Variants in SYNPR observed in about 807,000 individuals in gnomAD.
The protein encoded by SYNPR is synaptoporin.
Under a neutral mutation model 32.9 loss-of-function variants are expected in SYNPR, and 23 were observed. That is an observed-to-expected ratio of 0.70 (90% CI 0.50 to 0.99). The LOEUF is 0.99. SYNPR is among the 50% of genes least tolerant of loss of function. SYNPR has a pLI of 0.00. For missense variants in SYNPR, 318 were observed against 349.3 expected, an observed-to-expected ratio of 0.91 and a Z score of 0.71; for synonymous variants, 146 against 135.9, an observed-to-expected ratio of 1.07 and a Z score of -0.52.
chr3:63,594,514 A>G (rs1466309301), intron 4 of SYNPR, among the ~76,000 whole-genome samples: 1 of 152,162 alleles, frequency 6.6e-6, no homozygotes, highest in African/African-American at 2.4e-5. Flanking sequence ...TCGTGTTTTT[A>G]TAAGATTAAG....
At chr3:63,415,741 G>A (rs1263762121) in intron 2 of SYNPR, among the ~76,000 whole-genome samples, 2 of 152,348 alleles carry the variant, frequency 1.3e-5, no homozygotes, top group East Asian at 1.9e-4. Context: ...TGTTCTGCAA[G>A]CGTCCTTCTA....
intron 3 of SYNPR, among the ~76,000 whole-genome samples, chr3:63,532,689 A>G (rs904977846): frequency 6.6e-6 from 1 of 152,222 alleles, no homozygotes; most frequent in African/African-American, 2.4e-5. Context: ...AATCCAGGCC[A>G]TGGTCAGTTG....
intron 3 of SYNPR, among the ~76,000 whole-genome samples, chr3:63,492,480 A>G (rs1246010168): frequency 6.6e-6 from 1 of 152,248 alleles, no homozygotes; most frequent in Non-Finnish European, 1.5e-5. Flanking sequence ...TCAAAGCATT[A>G]ATTTATATAA....
At chr3:63,376,506 T>C (rs538669661) in intron 2 of SYNPR, among the ~76,000 whole-genome samples, 1 of 152,232 alleles carries the variant, frequency 6.6e-6, no homozygotes, top group Admixed American at 6.5e-5. Flanking sequence ...CTTTCACCAC[T>C]CTGGGCTTCT....
chr3:63,455,338 G>A (rs1232241336), intron 2 of SYNPR, among the ~76,000 whole-genome samples: 6 of 152,068 alleles, frequency 3.9e-5, no homozygotes, highest in Non-Finnish European at 2.9e-5. Context: ...AGAATGGCCT[G>A]ATTAATTTTC....
intron 2 of SYNPR, among the ~76,000 whole-genome samples, chr3:63,472,041 G>A (rs1700810838): frequency 6.6e-6 from 1 of 152,224 alleles, no homozygotes; most frequent in African/African-American, 2.4e-5. Flanking sequence ...GGAGGCTTGG[G>A]TGTTGCTGAG....
chr3:63,568,107 T>C (rs1337838255), intron 4 of SYNPR, among the ~76,000 whole-genome samples: 1 of 152,198 alleles, frequency 6.6e-6, no homozygotes, highest in Non-Finnish European at 1.5e-5. Flanking sequence ...AAAGTGCAGT[T>C]GAGGCTAGGG....
chr3:63,245,103 G>C (rs778176716), intron 1 of SYNPR, among the ~76,000 whole-genome samples: 1 of 152,090 alleles, frequency 6.6e-6, no homozygotes, highest in Non-Finnish European at 1.5e-5. Flanking sequence ...GAATTACTTG[G>C]TTTGCAGAAG....
chr3:63,485,914 AATT>A (rs1202398456), intron 3 of SYNPR, among the ~76,000 whole-genome samples: 1 of 152,186 alleles, frequency 6.6e-6, no homozygotes, highest in African/African-American at 2.4e-5. Context: ...ATCAAGATAA[AATT>A]ATTGTTTGCT....
chr3:63,248,087 T>C (rs2086305324), intron 1 of SYNPR, among the ~76,000 whole-genome samples: 2 of 152,126 alleles, frequency 1.3e-5, no homozygotes, highest in Admixed American at 1.3e-4. Context: ...GGCCTTGGGA[T>C]TGAGAGCTAT....
intron 2 of SYNPR, among the ~76,000 whole-genome samples, chr3:63,357,211 C>T (rs1397286512): frequency 2.0e-5 from 3 of 152,144 alleles, no homozygotes; most frequent in African/African-American, 7.2e-5. Context: ...AAGGTGAGCT[C>T]CACAGCTGCT....
intron 2 of SYNPR, among the ~76,000 whole-genome samples, chr3:63,352,458 A>C (rs1304818266): frequency 6.6e-6 from 1 of 152,164 alleles, no homozygotes; most frequent in Admixed American, 6.6e-5. Flanking sequence ...TTGGGAAAAC[A>C]CTTATTTATC....
intron 2 of SYNPR, among the ~76,000 whole-genome samples, chr3:63,412,117 T>A (rs768431796): frequency 6.6e-6 from 1 of 152,006 alleles, no homozygotes; most frequent in African/African-American, 2.4e-5. Flanking sequence ...AAGTTAGATA[T>A]AGAATGGGTG....
chr3:63,354,806 T>G (rs766113670), intron 2 of SYNPR, among the ~76,000 whole-genome samples: 9 of 152,222 alleles, frequency 5.9e-5, no homozygotes, highest in Non-Finnish European at 1.2e-4. Flanking sequence ...TCAGGCAGAA[T>G]AGAGCCTGCT....
intron 2 of SYNPR, among the ~76,000 whole-genome samples, chr3:63,312,970 C>T (rs2086983545): frequency 6.6e-6 from 1 of 152,018 alleles, no homozygotes; most frequent in Non-Finnish European, 1.5e-5. Context: ...ATCTCTGCAA[C>T]ATGCTTGTAG....
chr3:63,336,940 G>A (rs935856958), intron 2 of SYNPR, among the ~76,000 whole-genome samples: 1 of 151,948 alleles, frequency 6.6e-6, no homozygotes, highest in Non-Finnish European at 1.5e-5. Flanking sequence ...AAGAAGATAT[G>A]TCCATGAAAG....
At chr3:63,444,378 G>A (rs929069255) in intron 2 of SYNPR, 1 of 152,146 alleles carries the variant, frequency 6.6e-6, no homozygotes, top group Non-Finnish European at 1.5e-5. Context: ...TCTAGACAGG[G>A]ATGAGAAGAT....
chr3:63,481,104 C>A, intron 3 of SYNPR, 148 bp downstream of exon 3: 3 of 1,039,644 alleles, frequency 2.9e-6, no homozygotes, highest in Non-Finnish European at 4.0e-6. Flanking sequence ...AAACACAGTG[C>A]CCACTCACCA....
intron 1 of SYNPR, among the ~76,000 whole-genome samples, chr3:63,246,185 A>G (rs2086288020): frequency 6.6e-6 from 1 of 152,090 alleles, no homozygotes; most frequent in East Asian, 1.9e-4. Flanking sequence ...ATCCCCTTGC[A>G]TGCTTTAATA....
Sources: allele counts gnomAD v4.1 joint callset (sites outside exome capture counted in the v4.1 genomes callset), GRCh38; gene constraint gnomAD v4.1.1; transcripts MANE v1.5; gene names NCBI Gene and HGNC (gene_info 2026-07-23, HGNC 2026-07-21).